The following ADAMTSL1 variants were observed in gnomAD, a reference collection of about 807,000 sequenced individuals.
ADAMTSL1 encodes ADAMTS-like protein 1.
ADAMTSL1 carries 126 observed loss-of-function variants against 201.8 expected under a neutral mutation model. That is an observed-to-expected ratio of 0.62 (90% CI 0.54 to 0.72). ADAMTSL1 has a LOEUF of 0.72. ADAMTSL1 is among the 30% of genes least tolerant of loss of function. The probability of loss-of-function intolerance (pLI) is 0.00; values close to 1 mark genes in which losing one functional copy is unlikely to be tolerated. For missense variants in ADAMTSL1, 2,679 were observed against 2,277.8 expected (o/e 1.18, Z -3.59); for synonymous variants, 1,121 against 903.4 (o/e 1.24, Z -4.32).
At chr9:18,223,018 A>G (rs999521526) in intron 2 of ADAMTSL1, among the ~76,000 whole-genome samples, 4 of 152,070 alleles carry the variant, frequency 2.6e-5, no homozygotes, top group Non-Finnish European at 5.9e-5. Context: ...ACTGTGAAGT[A>G]TCTAGGTATA....
At chr9:17,914,611 C>T (rs1588407007) in intron 1 of ADAMTSL1, among the ~76,000 whole-genome samples, 3 of 150,568 alleles carry the variant, frequency 2.0e-5, no homozygotes, top group Admixed American at 2.0e-4. Flanking sequence ...AAAACTGGCA[C>T]AAGACAGGGA....
At chr9:18,475,027 T>C (rs909198886) in intron 1 of ADAMTSL1, among the ~76,000 whole-genome samples, 1 of 152,204 alleles carries the variant, frequency 6.6e-6, no homozygotes, top group African/African-American at 2.4e-5. Context: ...TCATACTTGG[T>C]TTTATGGGCA....
At chr9:18,878,434 C>A (rs752690757) in intron 23 of ADAMTSL1, among the ~76,000 whole-genome samples, 7 of 152,228 alleles carry the variant, frequency 4.6e-5, no homozygotes, top group Non-Finnish European at 8.8e-5. Context: ...TCAGAAATGG[C>A]TTCCCCAGGA....
intron 1 of ADAMTSL1, among the ~76,000 whole-genome samples, chr9:18,087,607 A>G (rs1441871608): frequency 6.6e-6 from 1 of 152,160 alleles, no homozygotes; most frequent in Non-Finnish European, 1.5e-5. Context: ...AAAGTTTTCT[A>G]TTAGTAGACA....
At chr9:18,765,629 G>T (rs934342261) in intron 16 of ADAMTSL1, among the ~76,000 whole-genome samples, 2 of 152,164 alleles carry the variant, frequency 1.3e-5, no homozygotes, top group Non-Finnish European at 1.5e-5. Flanking sequence ...AGGAAAAGGA[G>T]AGAGCATGTG....
intron 15 of ADAMTSL1, among the ~76,000 whole-genome samples, chr9:18,727,972 C>G (rs1027868342): frequency 1.3e-5 from 2 of 151,858 alleles, no homozygotes; most frequent in Non-Finnish European, 2.9e-5. Context: ...CCCAGCTACT[C>G]GGGACGCTGA....
At chr9:18,721,776 A>T in intron 15 of ADAMTSL1, 111 bp downstream of exon 15, 1 of 1,451,852 alleles carries the variant, frequency 6.9e-7, no homozygotes, top group Non-Finnish European at 9.2e-7. Flanking sequence ...TTGAAAACCA[A>T]TTAGCATCAG....
chr9:18,370,681 T>G (rs945589608), intron 2 of ADAMTSL1, among the ~76,000 whole-genome samples: 2 of 151,672 alleles, frequency 1.3e-5, no homozygotes, highest in African/African-American at 4.9e-5. Context: ...AAGGTATGTT[T>G]GTAGAGCGTC....
intron 23 of ADAMTSL1, among the ~76,000 whole-genome samples, chr9:18,860,079 A>C (rs900202315): frequency 8.5e-5 from 13 of 152,206 alleles, no homozygotes; most frequent in Non-Finnish European, 1.6e-4. Flanking sequence ...GTGGGACTTG[A>C]GGGATTTTTG....
At chr9:18,880,579 A>G (rs1235800099) in intron 23 of ADAMTSL1, among the ~76,000 whole-genome samples, 3 of 152,212 alleles carry the variant, frequency 2.0e-5, no homozygotes, top group Non-Finnish European at 4.4e-5. Flanking sequence ...TGATCTTAAA[A>G]TGTTCTGTAA....
chr9:18,605,614 G>T (rs755512469), intron 4 of ADAMTSL1, among the ~76,000 whole-genome samples: 1 of 152,170 alleles, frequency 6.6e-6, no homozygotes, highest in Non-Finnish European at 1.5e-5. Context: ...TCAGGCCTCA[G>T]ATGAGTTTCC....
intron 23 of ADAMTSL1, among the ~76,000 whole-genome samples, chr9:18,885,676 G>A (rs991591104): frequency 2.0e-5 from 3 of 151,962 alleles, no homozygotes; most frequent in Non-Finnish European, 2.9e-5. Flanking sequence ...CCATTTTTAG[G>A]TTATCTTTTT....
intron 2 of ADAMTSL1, among the ~76,000 whole-genome samples, chr9:18,291,291 C>T (rs1833251098): frequency 6.6e-6 from 1 of 152,140 alleles, no homozygotes; most frequent in South Asian, 2.1e-4. Context: ...AAATTGATTT[C>T]ATATTTATTC....
At chr9:18,748,761 G>C (rs1043691489) in intron 15 of ADAMTSL1, among the ~76,000 whole-genome samples, 1 of 152,158 alleles carries the variant, frequency 6.6e-6, no homozygotes, top group African/African-American at 2.4e-5. Context: ...TCAACACTGA[G>C]GTTCTGGTCG....
chr9:18,162,953 A>G (rs1669333912), intron 1 of ADAMTSL1, among the ~76,000 whole-genome samples: 1 of 151,964 alleles, frequency 6.6e-6, no homozygotes, highest in African/African-American at 2.4e-5. Context: ...AGCATTTTAC[A>G]TGTTATTTCC....
chr9:18,865,147 G>C (rs978154270), intron 23 of ADAMTSL1, among the ~76,000 whole-genome samples: 1 of 151,970 alleles, frequency 6.6e-6, no homozygotes, highest in Admixed American at 6.6e-5. Flanking sequence ...CCATTAACTC[G>C]TCATTTAACA....
intron 2 of ADAMTSL1, among the ~76,000 whole-genome samples, chr9:18,257,477 C>T (rs1441788820): frequency 1.3e-5 from 2 of 152,136 alleles, no homozygotes; most frequent in Non-Finnish European, 2.9e-5. Flanking sequence ...TATCACTTCA[C>T]ACTACAATAG....
chr9:18,371,474 T>C (rs1194853174), intron 2 of ADAMTSL1, among the ~76,000 whole-genome samples: 1 of 152,214 alleles, frequency 6.6e-6, no homozygotes, highest in South Asian at 2.1e-4. Context: ...AATCTGATAT[T>C]ATCTGAGTTG....
At chr9:18,321,123 T>C (rs1834598598) in intron 2 of ADAMTSL1, among the ~76,000 whole-genome samples, 1 of 152,148 alleles carries the variant, frequency 6.6e-6, no homozygotes, top group Non-Finnish European at 1.5e-5. Context: ...GAAACAGATA[T>C]GACATGCAGA....
Sources: allele counts gnomAD v4.1 joint callset (sites outside exome capture counted in the v4.1 genomes callset), GRCh38; gene constraint gnomAD v4.1.1; transcripts MANE v1.5; gene names NCBI Gene and HGNC (gene_info 2026-07-23, HGNC 2026-07-21).